Variants in TTC13 observed in about 807,000 individuals in gnomAD.
TTC13 encodes the protein tetratricopeptide repeat protein 13.
A neutral mutation model predicts 120.0 loss-of-function variants in TTC13; 62 were observed. That is an observed-to-expected ratio of 0.52 (90% CI 0.42 to 0.64). The LOEUF (loss-of-function observed/expected upper bound fraction) is 0.64. TTC13 is among the 30% of genes least tolerant of loss of function. TTC13 has a pLI of 0.00. For synonymous variants in TTC13, 384 were observed against 393.5 expected (o/e 0.98, Z 0.28); for missense variants, 824 against 1,050.2 (o/e 0.78, Z 2.98).
intron 19 of TTC13, 122 bp downstream of exon 19, chr1:230,912,501 T>C: frequency 9.0e-7 from 1 of 1,114,198 alleles, no homozygotes; most frequent in Non-Finnish European, 1.3e-6. Flanking sequence ...AGAAATATTT[T>C]TAGGTCAATT....
At chr1:230,970,943 C>T (rs1337772095) in intron 1 of TTC13, among the ~76,000 whole-genome samples, 2 of 152,142 alleles carry the variant, frequency 1.3e-5, no homozygotes, top group Non-Finnish European at 2.9e-5. Flanking sequence ...GGTAAACCTG[C>T]GAAGAGAAGA....
At chr1:230,928,045 A>G (rs1023853638) in intron 12 of TTC13, among the ~76,000 whole-genome samples, 1 of 151,998 alleles carries the variant, frequency 6.6e-6, no homozygotes, top group Non-Finnish European at 1.5e-5. Flanking sequence ...TATTATATTA[A>G]GTTTTGCTAC....
chr1:230,949,040 C>G lies in TTC13; in HGVS notation c.514-3586G>C, dbSNP rs899008281. Among the ~76,000 whole-genome samples, 4 of 152,176 alleles carry G rather than the reference C, an allele frequency of 2.6e-5. 1 individual carries two copies. The highest frequency in any genetic ancestry group is 6.5e-5 in the Admixed American group (1 of 15,300). On this transcript the variant is annotated intron_variant, in intron 4 of 22. Transcript: ENST00000366661. ...CACTGTTCACTGTATGGATGTCAGC[C>G]ATTCATTCCACAATTATTTACTCAG...
At position 230,924,987 on chromosome 1, in the gene TTC13, A is replaced by G; in HGVS notation, c.1589-14T>C. On this transcript the variant is annotated splice_polypyrimidine_tract_variant and intron_variant, in intron 13 of 22. Coordinates refer to ENST00000366661, the MANE Select transcript of TTC13 (RefSeq NM_024525.5). ...CCAAACCCATAGCTACGAGAAAGGA[A>G]TATCGAGAAGAGTTAGTACACTTTA... 3.7e-6 allele frequency: 6 copies of G among 1,614,174 alleles called. No homozygotes were observed. The highest frequency in any genetic ancestry group is 5.1e-6 in the Non-Finnish European group (6 of 1,180,000).
intron 18 of TTC13, among the ~76,000 whole-genome samples, chr1:230,915,600 T>A (rs1671938849): frequency 6.6e-6 from 1 of 152,184 alleles, no homozygotes; most frequent in Non-Finnish European, 1.5e-5. Context: ...AAAATACTTT[T>A]AAGAATATGA....
chr1:230,949,635 T>C (rs1285548138), intron 4 of TTC13, among the ~76,000 whole-genome samples: 1 of 151,606 alleles, frequency 6.6e-6, no homozygotes, highest in Non-Finnish European at 1.5e-5. Context: ...ATTCAATTTA[T>C]TCTTTCCTTT....
chr1:230,972,659 A>G (rs1393598966), intron 1 of TTC13, among the ~76,000 whole-genome samples: 1 of 152,240 alleles, frequency 6.6e-6, no homozygotes, highest in East Asian at 1.9e-4. Flanking sequence ...GGTAGGTTCT[A>G]AAACCCAAGT....
rs940671339 is a variant in TTC13, at chr1:230,946,202, G to A, written c.514-748C>T. 1.1e-4 allele frequency among the ~76,000 whole-genome samples: 17 copies of A among 152,260 alleles called. No homozygotes were observed. In the South Asian group the frequency reaches 1.2e-3, roughly 11 times the overall value. ...CAATTTTTACTTCTCTGAATGGTTC[G>A]CTATACAGTTAAGAAAGAAGAATAA... On this transcript the variant is annotated intron_variant, in intron 4 of 22. Transcript: ENST00000366661.
chr1:230,976,928 A>G (rs1678371810), intron 1 of TTC13, among the ~76,000 whole-genome samples: 1 of 152,228 alleles, frequency 6.6e-6, no homozygotes. Context: ...GGGCTCCTTT[A>G]GCCAGTGAGC....
chr1:230,921,887 C>A (rs1430194388), intron 15 of TTC13, among the ~76,000 whole-genome samples: 2 of 152,234 alleles, frequency 1.3e-5, no homozygotes, highest in African/African-American at 4.8e-5. Context: ...CCCTGTCTTG[C>A]TCTCTAGCTC....
chr1:230,945,339 T>G (rs1558199593), intron 5 of TTC13, 50 bp downstream of exon 5: 1 of 1,519,280 alleles, frequency 6.6e-7, no homozygotes. Flanking sequence ...AACCCTGGTC[T>G]GTGTCAGGTC....
chr1:230,946,153 C>T (rs959235628), intron 4 of TTC13, among the ~76,000 whole-genome samples: 4 of 152,170 alleles, frequency 2.6e-5, no homozygotes, highest in Non-Finnish European at 4.4e-5. Context: ...GAATGAAATG[C>T]CTCTCATCTA....
intron 20 of TTC13, 117 bp from the exon 21 acceptor site, chr1:230,909,137 T>G: frequency 1.2e-6 from 1 of 803,416 alleles, no homozygotes; most frequent in Non-Finnish European, 2.0e-6. Context: ...TTCTTTCAAA[T>G]AAAACACCGA....
intron 6 of TTC13, 25 bp downstream of exon 6, chr1:230,943,781 G>C: frequency 6.4e-7 from 1 of 1,563,282 alleles, no homozygotes; most frequent in East Asian, 2.3e-5. Context: ...AATAATGACA[G>C]AGGGAAAAAG....
intron 1 of TTC13, among the ~76,000 whole-genome samples, chr1:230,967,207 A>C (rs770790544): frequency 5.3e-5 from 8 of 152,126 alleles, no homozygotes; most frequent in Non-Finnish European, 8.8e-5. Context: ...AAAGTACTCA[A>C]TAACGCCACT....
At position 230,961,220 on chromosome 1, in the gene TTC13, C is replaced by T. The variant is rs1428745665; in HGVS notation, c.355G>A (p.Glu119Lys). Residue 119 changes from glutamate to lysine, a missense_variant, in exon 2 of 23, where the codon GAG (glutamate) becomes AAG (lysine). Glu to Lys is a moderately conservative substitution (Grantham distance 56, BLOSUM62 1). This residue lies in a region of TTC13 where 8 missense variants were observed against 27.1 expected (regional missense o/e 0.30). Transcript: ENST00000366661. ...PCDSLLSLNT[E>K]KILSQAKSIA... ...GAGAAGATGCATACCAGAATCTTCT[C>T]AGTGTTGAGGGAAAGCAAGGAGTCA... 1.2e-6 allele frequency: 2 copies of T among 1,613,430 alleles called. No individual in the cohort carries two copies. Among genetic ancestry groups the T allele is most frequent in the East Asian group, 2.2e-5 (1 of 44,884 alleles).
chr1:230,935,684 G>A (rs1030868488), intron 8 of TTC13, among the ~76,000 whole-genome samples: 1 of 152,196 alleles, frequency 6.6e-6, no homozygotes, highest in East Asian at 1.9e-4. Context: ...AGTGAGGACT[G>A]GGGGGCTTCA....
At chr1:230,912,480 T>C (rs1178213679) in intron 19 of TTC13, 143 bp downstream of exon 19, 1 of 919,136 alleles carries the variant, frequency 1.1e-6, no homozygotes, top group East Asian at 2.6e-5. Flanking sequence ...AATTTTTGCC[T>C]ATAAGAAATA....
rs12566075 is a variant in TTC13 at position 230,913,250 on chromosome 1, C to G, written c.2094-492G>C. Among the ~76,000 whole-genome samples the G allele has an allele frequency of 5.3e-4, 81 of 152,288 alleles. No homozygotes were observed. In the East Asian group the frequency reaches 0.015, roughly 28 times the overall value. ...TGTGGAGGATATAAGTTTGATACAA[C>G]AGGCATTTTTTGTATAACGCCACTA... On this transcript the variant is annotated intron_variant, in intron 18 of 22. Transcript: ENST00000366661.
Sources: gnomAD v4.1 joint callset for allele counts (sites outside exome capture counted in the v4.1 genomes callset) on GRCh38, gnomAD v4.1.1 for gene constraint, gnomAD v4.1.1 regional missense constraint, MANE v1.5 for transcripts, NCBI Gene and HGNC (gene_info 2026-07-23, HGNC 2026-07-21) for gene names.